Variants in RUVBL2 observed in about 807,000 individuals in gnomAD.
The protein encoded by RUVBL2 is RuvB like AAA ATPase 2.
RUVBL2 carries 9 observed loss-of-function variants against 57.9 expected under a neutral mutation model. The ratio of observed to expected loss-of-function variants is 0.16; its 90% CI spans 0.09 to 0.27. The LOEUF is 0.27. Among genes scored for constraint, RUVBL2 ranks in the 10% least tolerant of loss-of-function variants. The probability of loss-of-function intolerance (pLI) is 1.00; values close to 1 mark genes in which losing one functional copy is unlikely to be tolerated. For synonymous variants in RUVBL2, 278 were observed against 264.6 expected (o/e 1.05, Z -0.49); for missense variants, 456 against 669.6 (o/e 0.68, Z 3.52).
At chr19:48,999,255 A>G in intron 1 of RUVBL2, 64 bp from the exon 2 acceptor site, 1 of 1,552,518 alleles carries the variant, frequency 6.4e-7, no homozygotes, top group South Asian at 1.1e-5. Context: ...TGGGAGGGAC[A>G]GAGGAGGGGT....
intron 9 of RUVBL2, among the ~76,000 whole-genome samples, 164 bp downstream of exon 9, chr19:49,010,775 G>A (rs576317668): frequency 1.2e-4 from 18 of 152,066 alleles, no homozygotes; most frequent in African/African-American, 2.4e-4. Flanking sequence ...AGTCCGCTCC[G>A]TCCCCACCCC....
At chr19:48,993,976 G>A (rs1360542564) in intron 1 of RUVBL2, 53 bp downstream of exon 1, 3 of 1,610,226 alleles carry the variant, frequency 1.9e-6, no homozygotes, top group Non-Finnish European at 2.5e-6. Context: ...TCGAGTTTGA[G>A]AGAGGAGGAT....
At chr19:48,995,987 A>C (rs1488914673) in intron 1 of RUVBL2, among the ~76,000 whole-genome samples, 1 of 114,544 alleles carries the variant, frequency 8.7e-6, no homozygotes, top group Non-Finnish European at 1.9e-5. Context: ...GCTGTGTCTC[A>C]AAAAAAAAAA....
intron 8 of RUVBL2, 123 bp from the exon 9 acceptor site, chr19:49,010,365 C>G (rs991470547): frequency 9.9e-7 from 1 of 1,010,314 alleles, no homozygotes. Context: ...CAGATGACCC[C>G]ATTTAGCCTC....
In RUVBL2 at chr19:49,011,201, A is replaced by G. The variant is rs1247945531; in HGVS notation, c.892A>G (p.Ile298Val). 1 of 1,613,912 alleles carries G rather than the reference A, an allele frequency of 6.2e-7. No homozygotes were observed. The highest frequency in any genetic ancestry group is 1.7e-5 in the Admixed American group (1 of 60,022). Reference protein sequence around the residue: ...KAEIIPGVLFIDEVHMLDIES... With the variant: ...KAEIIPGVLFVDEVHMLDIES... ...CACACCCCAATCCAAGGTGCTGTTC[A>G]TCGACGAGGTCCACATGCTGGACAT... The change falls in exon 11 of 15, where the codon ATC becomes GTC. Residue 298 changes from isoleucine (I) to valine (V), a missense_variant. Transcript: ENST00000595090. The surrounding 1 kb of genome is among the most constrained non-coding windows in gnomAD (Gnocchi z 4.4).
At chr19:49,009,264 A>G (rs1280400992) in intron 6 of RUVBL2, among the ~76,000 whole-genome samples, 1 of 149,100 alleles carries the variant, frequency 6.7e-6, no homozygotes, top group Non-Finnish European at 1.5e-5. Context: ...CGAGGTGGGC[A>G]GATCACAAGG....
In RUVBL2 at chr19:49,004,647, G is replaced by T. The variant is rs189531291; in HGVS notation, c.265+229G>T. Among the ~76,000 whole-genome samples, 15 of 152,212 alleles carry T rather than the reference G, an allele frequency of 9.9e-5. 1 individual carries two copies. Among genetic ancestry groups the T allele is most frequent in the Admixed American group, 9.8e-4 (15 of 15,282 alleles). ...CCTGCCTCACCATCCTCTGCACTTG[G>T]TTCCAGTCAAGAGGACGCCATGTTC... On this transcript the variant is annotated intron_variant, in intron 4 of 14. Coordinates refer to ENST00000595090, the MANE Select transcript of RUVBL2 (RefSeq NM_006666.3).
chr19:49,011,454 G>C lies in RUVBL2; in HGVS notation c.1001+144G>C, dbSNP rs533664020. 1.5e-6 allele frequency: 1 copy of C among 656,600 alleles called. No homozygotes were observed. Among genetic ancestry groups the C allele is most frequent in the African/African-American group, 1.8e-5 (1 of 55,872 alleles). 40.7% of individuals were successfully genotyped at this position (656,600 alleles called of 1,614,324 possible). On this transcript the variant is annotated intron_variant, in intron 11 of 14. Coordinates refer to ENST00000595090, the MANE Select transcript of RUVBL2 (RefSeq NM_006666.3). This position sits in a 1 kb window ranked among gnomAD's most constrained non-coding sequence, Gnocchi z 4.4. ...TGCGCTCTTTGCTTACAAAAGGCGGGTGGGAGGCAGCTCTGCTTCCCGAGG... is the reference window on the plus strand; with the variant it reads ...TGCGCTCTTTGCTTACAAAAGGCGGCTGGGAGGCAGCTCTGCTTCCCGAGG...
chr19:48,999,840 A>T (rs1041849319), intron 2 of RUVBL2, among the ~76,000 whole-genome samples: 1 of 152,122 alleles, frequency 6.6e-6, no homozygotes, highest in Non-Finnish European at 1.5e-5. Context: ...TGAGGTGCAT[A>T]TTGTAACTGT....
chr19:49,007,202 C>T, intron 5 of RUVBL2, 55 bp downstream of exon 5: 1 of 1,609,306 alleles, frequency 6.2e-7, no homozygotes, highest in Non-Finnish European at 8.5e-7. Flanking sequence ...AGCAACCCCG[C>T]ACCCCGGGCG....
chr19:49,010,347 G>T, intron 8 of RUVBL2, 141 bp from the exon 9 acceptor site: 2 of 861,190 alleles, frequency 2.3e-6, no homozygotes, highest in East Asian at 2.6e-5. Flanking sequence ...TCCTGGGCCT[G>T]GGGTTTCCAG....
In RUVBL2 at chr19:49,004,182, G is replaced by A; in HGVS notation, c.124-95G>A. Reference sequence around the variant, plus strand: ...TGGCTTTTCCTAGAAGTCCCAGCTAGTAATGTCTGCTTCCATCTCACTAGC... The same window carrying A: ...TGGCTTTTCCTAGAAGTCCCAGCTAATAATGTCTGCTTCCATCTCACTAGC... On this transcript the variant is annotated intron_variant, in intron 3 of 14. Transcript: ENST00000595090. 2.2e-6 allele frequency: 3 copies of A among 1,356,520 alleles called. No homozygotes were observed. The East Asian group carries it at 8.2e-5, about 37-fold the overall frequency. The allele number at this position is 1,356,520 out of a possible 1,614,324, so 84.0% of individuals were successfully genotyped here.
chr19:49,011,037 A>G lies in RUVBL2; in HGVS notation c.826A>G (p.Ile276Val), dbSNP rs1165245118. 6.2e-7 allele frequency: 1 copy of G among 1,613,206 alleles called. No homozygotes were observed. The highest frequency in any genetic ancestry group is 2.2e-5 in the East Asian group (1 of 44,866). Residue 276 changes from isoleucine to valine, a missense_variant, in exon 10 of 15, where the codon ATC becomes GTC. Physicochemically the swap from Ile to Val is conservative, Grantham distance 29. This residue lies in a region of RUVBL2 where 130 missense variants were observed against 243.0 expected (regional missense o/e 0.53). Transcript: ENST00000595090. This position sits in a 1 kb window ranked among gnomAD's most constrained non-coding sequence, Gnocchi z 4.4. ...GEIKSEVREQ[I>V]NAKVAEWREE... ...GATCAAGTCAGAAGTCCGTGAGCAGATCAATGCCAAGGTGGCTGAGTGGCG... is the reference window on the plus strand; with the variant it reads ...GATCAAGTCAGAAGTCCGTGAGCAGGTCAATGCCAAGGTGGCTGAGTGGCG...
chr19:48,993,554 T>G, upstream of RUVBL2: 1 of 458,142 alleles, frequency 2.2e-6, no homozygotes, highest in Non-Finnish European at 4.0e-6. Flanking sequence ...GCTGGAGGCC[T>G]CAAAGTGGGG....
chr19:49,002,975 C>A (rs1247709708), intron 2 of RUVBL2, among the ~76,000 whole-genome samples: 1 of 152,200 alleles, frequency 6.6e-6, no homozygotes, highest in Non-Finnish European at 1.5e-5. Context: ...TAATTGTGAT[C>A]ATTAGCCCTT....
intron 11 of RUVBL2, among the ~76,000 whole-genome samples, chr19:49,013,845 C>T (rs908208453): frequency 5.9e-5 from 9 of 152,304 alleles, no homozygotes; most frequent in Admixed American, 5.2e-4. Flanking sequence ...ACCCGGGAGG[C>T]GGAGGTTGCA....
chr19:48,994,011 T>C, intron 1 of RUVBL2, 88 bp downstream of exon 1: 1 of 1,434,136 alleles, frequency 7.0e-7, no homozygotes, highest in Non-Finnish European at 9.4e-7. Context: ...CTCCTGGGTC[T>C]GAGGGAGGGG....
intron 6 of RUVBL2, 89 bp from the exon 7 acceptor site, chr19:49,009,687 G>A: frequency 8.8e-7 from 1 of 1,134,794 alleles, no homozygotes. Context: ...AGAGGCCAGA[G>A]CAGAGCCAGA....
chr19:49,015,953 T>C lies in RUVBL2; in HGVS notation c.*111T>C. On this transcript the variant is annotated 3_prime_UTR_variant, in exon 15 of 15. Coordinates refer to ENST00000595090, the MANE Select transcript of RUVBL2 (RefSeq NM_006666.3). ...CCACCCTGTGTATGTGTGGTTGCCC[T>C]GAGCCCACAGAAAGACACCTCCAGA... The C allele has an allele frequency of 6.2e-7, 1 of 1,614,212 alleles. No individual in the cohort carries two copies.
Sources: allele counts gnomAD v4.1 joint callset (sites outside exome capture counted in the v4.1 genomes callset), GRCh38; gene constraint gnomAD v4.1.1; regional missense constraint gnomAD v4.1.1; non-coding constraint Gnocchi (gnomAD v3.1); transcripts MANE v1.5; gene names NCBI Gene and HGNC (gene_info 2026-07-23, HGNC 2026-07-21).